The following NEK2 variants were observed in gnomAD, a reference collection of about 807,000 sequenced individuals.
NEK2 encodes the protein serine/threonine-protein kinase Nek2.
Under a neutral mutation model 54.1 loss-of-function variants are expected in NEK2, and 28 were observed. The ratio of observed to expected loss-of-function variants is 0.52; its 90% CI spans 0.38 to 0.71. The LOEUF (loss-of-function observed/expected upper bound fraction) is 0.71, where lower values mean the gene tolerates loss of function less well. NEK2 is among the 30% of genes least tolerant of loss of function. The pLI is 0.00. For missense variants in NEK2, 407 were observed against 531.5 expected (o/e 0.77, Z 2.30); for synonymous variants, 176 against 193.1 (o/e 0.91, Z 0.73).
intron 5 of NEK2, among the ~76,000 whole-genome samples, chr1:211,669,909 T>C (rs1327219522): frequency 6.6e-6 from 1 of 152,218 alleles, no homozygotes; most frequent in Non-Finnish European, 1.5e-5. Context: ...TGGTCTTTAA[T>C]CTCTCAATTA....
chr1:211,661,761 C>A (rs1374907214), downstream of NEK2, among the ~76,000 whole-genome samples: 3 of 152,194 alleles, frequency 2.0e-5, no homozygotes, highest in African/African-American at 4.8e-5. Flanking sequence ...ACTGGAGGAA[C>A]CTCAGTATCA....
downstream of NEK2, among the ~76,000 whole-genome samples, chr1:211,659,642 A>G (rs1219246620): frequency 1.3e-5 from 2 of 152,192 alleles, no homozygotes; most frequent in Admixed American, 6.5e-5. Flanking sequence ...TACCATGTAC[A>G]TATTTATTTT....
chr1:211,659,965 G>T (rs1188374162), downstream of NEK2, among the ~76,000 whole-genome samples: 1 of 151,922 alleles, frequency 6.6e-6, no homozygotes, highest in Non-Finnish European at 1.5e-5. Flanking sequence ...GGGACCACAG[G>T]CACACGCCAC....
intron 6 of NEK2, among the ~76,000 whole-genome samples, chr1:211,667,536 C>G (rs1210507709): frequency 2.6e-5 from 4 of 152,160 alleles, no homozygotes; most frequent in Non-Finnish European, 4.4e-5. Context: ...CTAAAGCTAT[C>G]TCTGCTCTTC....
At chr1:211,673,815 T>C in intron 2 of NEK2, 92 bp from the exon 3 acceptor site, 2 of 1,130,238 alleles carry the variant, frequency 1.8e-6, no homozygotes, top group Non-Finnish European at 2.4e-6. Flanking sequence ...AAATAGGGAA[T>C]TTATTTATTT....
chr1:211,673,166 TGG>T (rs547735980), intron 3 of NEK2, among the ~76,000 whole-genome samples: 33 of 152,204 alleles, frequency 2.2e-4, no homozygotes, highest in Admixed American at 3.9e-4. Context: ...CCCAACACTT[TGG>T]GAGACTGAGG....
At chr1:211,662,375 A>G (rs921671103), downstream of NEK2, among the ~76,000 whole-genome samples, 1 of 152,186 alleles carries the variant, frequency 6.6e-6, no homozygotes, top group African/African-American at 2.4e-5. This position sits in a 1 kb window ranked among gnomAD's most constrained non-coding sequence, Gnocchi z 4.2. Context: ...TTGGTCTTTC[A>G]GGATTTTCGC....
Position 211,673,463 on chromosome 1 carries a change from C to G in NEK2, c.555+20G>C. The G allele has an allele frequency of 1.2e-6, 2 of 1,607,780 alleles. No homozygotes were observed. The highest frequency in any genetic ancestry group is 1.7e-6 in the Non-Finnish European group (2 of 1,175,102). ...AAATAAAAGATGTTTTAAAAAGTAG[C>G]TAAATTCTGAAATACTTACAGGAGA... On this transcript the variant is annotated intron_variant, in intron 3 of 7. Coordinates refer to ENST00000366999, the MANE Select transcript of NEK2 (RefSeq NM_002497.4).
Position 211,669,340 on chromosome 1 carries a change from A to G in NEK2, c.766-8T>C. ...AGAAGGTCGATGGTAATCCTGGGGAAAAAATACTCAGTATTATAGTCAGAT... is the reference window on the plus strand; with the variant it reads ...AGAAGGTCGATGGTAATCCTGGGGAGAAAATACTCAGTATTATAGTCAGAT... On this transcript the variant is annotated splice_polypyrimidine_tract_variant and splice_region_variant and intron_variant, in intron 5 of 7. Coordinates refer to ENST00000366999, the MANE Select transcript of NEK2 (RefSeq NM_002497.4). 1.9e-6 allele frequency: 3 copies of G among 1,609,256 alleles called. No homozygotes were observed. The highest frequency in any genetic ancestry group is 2.6e-6 in the Non-Finnish European group (3 of 1,175,740).
intron 1 of NEK2, among the ~76,000 whole-genome samples, chr1:211,675,098 A>ATTAG (rs1397585600): frequency 6.6e-6 from 1 of 152,204 alleles, no homozygotes; most frequent in Non-Finnish European, 1.5e-5. Context: ...CAGCTCAGGA[A>ATTAG]TTAGTTACCT....
intron 4 of NEK2, among the ~76,000 whole-genome samples, chr1:211,670,890 A>C (rs1474364097): frequency 6.6e-6 from 1 of 152,190 alleles, no homozygotes; most frequent in Non-Finnish European, 1.5e-5. Context: ...CATTTCTTCC[A>C]CATCCTTACA....
At chr1:211,659,338 T>C (rs573704792), downstream of NEK2, among the ~76,000 whole-genome samples, 15 of 152,298 alleles carry the variant, frequency 9.8e-5, no homozygotes, top group South Asian at 3.1e-3. Flanking sequence ...ATTAACTATA[T>C]TTTAAAGTCT....
intron 7 of NEK2, among the ~76,000 whole-genome samples, chr1:211,664,052 TTCTG>T (rs1391645712): frequency 1.7e-4 from 25 of 144,860 alleles, no homozygotes; most frequent in African/African-American, 6.2e-4. Flanking sequence ...AGAGGTTTTT[TTCTG>T]TCTTTGTTTT....
chr1:211,671,193 C>G lies in NEK2; in HGVS notation c.638+9G>C, dbSNP rs150859900. On this transcript the variant is annotated intron_variant, in intron 4 of 7. Transcript: ENST00000366999. ...CCTTAGACTAGGAATCTGTCTTCAT[C>G]ATACTTACATTAATGCACATAACTC... The G allele has an allele frequency of 3.7e-3, 5,962 of 1,602,550 alleles. 17 individuals carry two copies. The highest frequency in any genetic ancestry group is 4.4e-3 in the Non-Finnish European group (5,096 of 1,169,984).
downstream of NEK2, chr1:211,660,901 C>T: frequency 4.1e-6 from 3 of 735,486 alleles, no homozygotes; most frequent in East Asian, 2.6e-5. Context: ...CTTCTGATAC[C>T]AGCAGATCTG....
intron 6 of NEK2, among the ~76,000 whole-genome samples, chr1:211,667,471 A>G (rs1332484986): frequency 1.3e-5 from 2 of 152,220 alleles, no homozygotes; most frequent in Non-Finnish European, 2.9e-5. Context: ...ATACAAAGTT[A>G]GCTTCAACCT....
intron 7 of NEK2, chr1:211,666,724 G>A (rs748522873): frequency 2.7e-4 from 85 of 309,638 alleles, no homozygotes; most frequent in Non-Finnish European, 3.5e-4. Context: ...GCGTGAACCC[G>A]GGAGGCAGAG....
rs35451932 is a variant in NEK2 at position 211,662,850 on chromosome 1, G to GA, written c.*575dup. On this transcript the variant is annotated 3_prime_UTR_variant, in exon 8 of 8. Transcript: ENST00000366999. This position sits in a 1 kb window ranked among gnomAD's most constrained non-coding sequence, Gnocchi z 4.2. ...CAGACAGCTCATATTCTGTTAAACAGAAAAAAAAAAAGAATACAAACATCA... is the reference window on the plus strand; with the variant it reads ...CAGACAGCTCATATTCTGTTAAACAGAAAAAAAAAAAAGAATACAAACATCA... 0.46 allele frequency: 378,471 copies of GA among 825,494 alleles called. 39,759 individuals carry two copies. The highest frequency in any genetic ancestry group is 0.47 in the African/African-American group (24,794 of 52,528). The allele number at this position is 825,494 out of a possible 1,614,324, so 51.1% of individuals were successfully genotyped here.
rs1655066826 is a variant in NEK2 at position 211,663,292 on chromosome 1, C to A, written c.*134G>T. 10 of 1,418,466 alleles carry A rather than the reference C, an allele frequency of 7.0e-6. No homozygotes were observed. In the South Asian group the frequency reaches 1.0e-4, roughly 15 times the overall value. The allele number at this position is 1,418,466 out of a possible 1,614,324, so 87.9% of individuals were successfully genotyped here. On this transcript the variant is annotated 3_prime_UTR_variant, in exon 8 of 8. Coordinates refer to ENST00000366999, the MANE Select transcript of NEK2 (RefSeq NM_002497.4). ...TTGCTGAAGAACAGTAAAACCAATT[C>A]CGAAATATCATGTGTACTATACAGA...
Sources: allele counts gnomAD v4.1 joint callset (sites outside exome capture counted in the v4.1 genomes callset), GRCh38; gene constraint gnomAD v4.1.1; non-coding constraint Gnocchi (gnomAD v3.1); transcripts MANE v1.5; gene names NCBI Gene and HGNC (gene_info 2026-07-23, HGNC 2026-07-21).